The following RDX variants were observed in gnomAD, a reference collection of about 807,000 sequenced individuals.
RDX encodes deafness, autosomal recessive 24.
In RDX, 32 loss-of-function variants were observed where a neutral mutation model predicts 83.7. The ratio of observed to expected loss-of-function variants is 0.38; its 90% CI spans 0.29 to 0.51. RDX has a LOEUF of 0.51. Among genes scored for constraint, RDX ranks in the 20% least tolerant of loss-of-function variants. The pLI is 0.87. For synonymous variants in RDX, 229 were observed against 222.7 expected (o/e 1.03, Z -0.25); for missense variants, 600 against 689.9 (o/e 0.87, Z 1.46).
At chr11:110,229,350 ACTTTT>A (rs1864538492), downstream of RDX, 1 of 152,518 alleles carries the variant, frequency 6.6e-6, no homozygotes, top group East Asian at 1.9e-4. Context: ...TCTACTTCTT[ACTTTT>A]AAGTTGTGGT....
downstream of RDX, among the ~76,000 whole-genome samples, chr11:110,225,126 T>C (rs1166928999): frequency 1.3e-5 from 2 of 152,194 alleles, no homozygotes; most frequent in African/African-American, 4.8e-5. Flanking sequence ...AGACTAACCA[T>C]ATACGTATTC....
intron 1 of RDX, among the ~76,000 whole-genome samples, chr11:110,286,368 C>T (rs1161425375): frequency 6.6e-6 from 1 of 152,204 alleles, no homozygotes; most frequent in Non-Finnish European, 1.5e-5. Context: ...TTAGAGACAA[C>T]ATAGACACAA....
intron 2 of RDX, among the ~76,000 whole-genome samples, chr11:110,277,651 A>G (rs1226441926): frequency 1.3e-5 from 2 of 151,942 alleles, no homozygotes; most frequent in Non-Finnish European, 2.9e-5. Context: ...CTTTTGTGAA[A>G]TATCTGCTCA....
intron 5 of RDX, among the ~76,000 whole-genome samples, chr11:110,258,608 A>G (rs1417623737): frequency 2.0e-5 from 3 of 152,212 alleles, no homozygotes; most frequent in Non-Finnish European, 2.9e-5. Flanking sequence ...ATAGGAACCC[A>G]AACAGTTCAA....
In RDX at chr11:110,237,660, A is replaced by G. The variant is rs766012286; in HGVS notation, c.1091-8T>C. 6 of 1,613,742 alleles carry G rather than the reference A, an allele frequency of 3.7e-6. No homozygotes were observed. Among genetic ancestry groups the G allele is most frequent in the East Asian group, 2.2e-5 (1 of 44,886 alleles). On this transcript the variant is annotated splice_polypyrimidine_tract_variant and splice_region_variant and intron_variant, in intron 10 of 13. Coordinates refer to ENST00000645495, the MANE Select transcript of RDX (RefSeq NM_002906.4). The stretch of plus-strand genomic sequence containing the variant: ...GAGTCTGTTCTTCTAGTTCTATGAA[A>G]TATGTGTATTCCCCCCAACAGTGAT...
chr11:110,270,236 A>G (rs1860249772), intron 3 of RDX, among the ~76,000 whole-genome samples: 1 of 152,066 alleles, frequency 6.6e-6, no homozygotes, highest in African/African-American at 2.4e-5. Flanking sequence ...ACAAACCTAA[A>G]TGGTATAGCC....
chr11:110,225,084 T>G (rs183823732), downstream of RDX, among the ~76,000 whole-genome samples: 1 of 152,324 alleles, frequency 6.6e-6, no homozygotes, highest in Admixed American at 6.5e-5. Context: ...GCTCACATTT[T>G]CTATCTATTT....
At chr11:110,213,165 A>T (rs1250965148) in intron 14 of RDX, among the ~76,000 whole-genome samples, 1 of 152,062 alleles carries the variant, frequency 6.6e-6, no homozygotes, top group Non-Finnish European at 1.5e-5. Flanking sequence ...AATGTAGTAC[A>T]AAAATCACAA....
chr11:110,274,859 T>C (rs1479095470), intron 2 of RDX, among the ~76,000 whole-genome samples: 1 of 152,200 alleles, frequency 6.6e-6, no homozygotes, highest in East Asian at 1.9e-4. Context: ...TTTTGGCTAT[T>C]AAGAACAATA....
intron 15 of RDX, among the ~76,000 whole-genome samples, chr11:110,184,816 G>A (rs926713624): frequency 1.3e-5 from 2 of 152,200 alleles, no homozygotes; most frequent in Non-Finnish European, 2.9e-5. Context: ...AAGCAGACAC[G>A]ACACATAGAA....
chr11:110,228,872 C>T (rs1234069755), downstream of RDX, among the ~76,000 whole-genome samples: 2 of 151,686 alleles, frequency 1.3e-5, no homozygotes, highest in African/African-American at 2.4e-5. Flanking sequence ...GTAAAAAAAT[C>T]ACTATGTGTC....
intron 14 of RDX, among the ~76,000 whole-genome samples, chr11:110,217,614 G>A (rs1430016806): frequency 1.3e-5 from 2 of 152,108 alleles, no homozygotes; most frequent in African/African-American, 2.4e-5. Context: ...CTCATACAGC[G>A]GATACCGTTG....
chr11:110,198,511 G>GCTTTT (rs1205098937), intron 15 of RDX, among the ~76,000 whole-genome samples: 1 of 152,200 alleles, frequency 6.6e-6, no homozygotes, highest in Non-Finnish European at 1.5e-5. Flanking sequence ...TGGTGAACAA[G>GCTTTT]CATTATGGCC....
intron 15 of RDX, among the ~76,000 whole-genome samples, chr11:110,192,211 A>G (rs1372268205): frequency 1.3e-5 from 2 of 152,234 alleles, no homozygotes; most frequent in African/African-American, 4.8e-5. Context: ...GGAACACAGT[A>G]GAGAACCCAG....
chr11:110,180,806 G>A (rs1023511543), intron 15 of RDX, among the ~76,000 whole-genome samples: 2 of 151,838 alleles, frequency 1.3e-5, no homozygotes, highest in African/African-American at 4.8e-5. Flanking sequence ...CTCACTTTGG[G>A]TATCTGCTCA....
At chr11:110,180,096 T>C (rs1226326543) in intron 15 of RDX, among the ~76,000 whole-genome samples, 2 of 152,016 alleles carry the variant, frequency 1.3e-5, no homozygotes, top group Non-Finnish European at 2.9e-5. Flanking sequence ...GTGAAGGGGT[T>C]TCACCATGTT....
chr11:110,215,365 AAAATAAAT>A (rs141643262), intron 14 of RDX, among the ~76,000 whole-genome samples: 1,809 of 141,784 alleles, frequency 0.013, 25 homozygotes, highest in East Asian at 0.037. Context: ...TCCATCTCAA[AAAATAAAT>A]AAATAAATAA....
chr11:110,183,659 C>T (rs947786714), intron 15 of RDX, among the ~76,000 whole-genome samples: 2 of 152,208 alleles, frequency 1.3e-5, no homozygotes, highest in African/African-American at 4.8e-5. Context: ...GAAGCCATTA[C>T]AAATAACACT....
At chr11:110,239,074 T>C (rs1864977301) in intron 10 of RDX, among the ~76,000 whole-genome samples, 1 of 151,408 alleles carries the variant, frequency 6.6e-6, no homozygotes, top group Non-Finnish European at 1.5e-5. Context: ...AGGCCAGGAG[T>C]TTGAGACCAG....
Sources: gnomAD v4.1 joint callset for allele counts (sites outside exome capture counted in the v4.1 genomes callset) on GRCh38, gnomAD v4.1.1 for gene constraint, MANE v1.5 for transcripts, NCBI Gene and HGNC (gene_info 2026-07-23, HGNC 2026-07-21) for gene names.